The following LRP1B variants were observed in gnomAD, a reference collection of about 807,000 sequenced individuals.
The protein encoded by LRP1B is LDL receptor related protein 1B.
A neutral mutation model predicts 556.6 loss-of-function variants in LRP1B; 217 were observed. The observed-to-expected ratio is 0.39, with a 90% CI of 0.35 to 0.44. The LOEUF (loss-of-function observed/expected upper bound fraction) is 0.44, where lower values mean the gene tolerates loss of function less well. Among genes scored for constraint, LRP1B ranks in the 20% least tolerant of loss-of-function variants. The probability of loss-of-function intolerance (pLI) is 1.00; values close to 1 mark genes in which losing one functional copy is unlikely to be tolerated. For synonymous variants in LRP1B, 2,047 were observed against 1,865.8 expected (o/e 1.10, Z -2.50); for missense variants, 5,053 against 5,620.8 (o/e 0.90, Z 3.23).
chr2:141,128,896 T>C (rs1313857325), intron 7 of LRP1B, among the ~76,000 whole-genome samples: 1 of 152,198 alleles, frequency 6.6e-6, no homozygotes, highest in Non-Finnish European at 1.5e-5. Flanking sequence ...CCACATAAGT[T>C]ATATCATCCT....
At chr2:141,937,661 T>C (rs1015606066) in intron 1 of LRP1B, among the ~76,000 whole-genome samples, 4 of 150,394 alleles carry the variant, frequency 2.7e-5, no homozygotes, top group Admixed American at 1.3e-4. Flanking sequence ...ATGGTGCACC[T>C]AAATTAAAAA....
rs1208697233 is a variant in LRP1B at position 141,712,810 on chromosome 2, C to T, written c.205+97469G>A. Among the ~76,000 whole-genome samples the T allele has an allele frequency of 2.0e-5, 3 of 149,960 alleles. No homozygotes were observed. The East Asian group carries it at 5.9e-4, about 30-fold the overall frequency. ...TCAGCCTCCCTAGTAGCTAGAATTA[C>T]AGGTGCCTGCCACCATGCCCAGCTA... On this transcript the variant is annotated intron_variant, in intron 2 of 90. Coordinates refer to ENST00000389484, the MANE Select transcript of LRP1B (RefSeq NM_018557.3).
chr2:141,254,743 C>A (rs2105340969), intron 3 of LRP1B, 102 bp from the exon 4 acceptor site: 1 of 868,814 alleles, frequency 1.2e-6, no homozygotes, highest in Non-Finnish European at 1.7e-6. Context: ...GATTGTTCTC[C>A]CAGAAAGTTT....
intron 41 of LRP1B, among the ~76,000 whole-genome samples, chr2:140,605,451 A>G (rs548416772): frequency 7.2e-5 from 11 of 152,188 alleles, no homozygotes; most frequent in African/African-American, 2.2e-4. Context: ...ACAAAACACT[A>G]CTTACTGAAA....
chr2:141,190,519 T>C (rs974846043), intron 6 of LRP1B, among the ~76,000 whole-genome samples: 15 of 152,104 alleles, frequency 9.9e-5, no homozygotes, highest in African/African-American at 3.4e-4. Context: ...GTTATGGTTT[T>C]ATTGCCCTGT....
chr2:141,510,909 C>CA (rs70994436), intron 2 of LRP1B, among the ~76,000 whole-genome samples: 56,091 of 138,390 alleles, frequency 0.41, 10,749 homozygotes, highest in Admixed American at 0.45. Context: ...CACACACACA[C>CA]CCCACACAAA....
At chr2:140,312,875 C>T (rs1198636980) in intron 83 of LRP1B, among the ~76,000 whole-genome samples, 1 of 151,830 alleles carries the variant, frequency 6.6e-6, no homozygotes, top group Non-Finnish European at 1.5e-5. Flanking sequence ...TAATTAGTGA[C>T]ATTTCTTTTG....
chr2:140,999,278 C>T (rs1019352212), intron 15 of LRP1B, among the ~76,000 whole-genome samples: 1 of 152,006 alleles, frequency 6.6e-6, no homozygotes, highest in African/African-American at 2.4e-5. Flanking sequence ...CCAAATGCAA[C>T]TACAAATTCT....
chr2:142,003,204 T>C (rs1394344772), intron 1 of LRP1B, among the ~76,000 whole-genome samples: 4 of 152,258 alleles, frequency 2.6e-5, no homozygotes, highest in Non-Finnish European at 4.4e-5. Context: ...TACTGAACAC[T>C]TACCATATGC....
intron 3 of LRP1B, among the ~76,000 whole-genome samples, chr2:141,306,635 C>G (rs1686599693): frequency 1.3e-5 from 2 of 152,036 alleles, no homozygotes; most frequent in Admixed American, 6.5e-5. Context: ...TTCTGTTCTG[C>G]TCCAGTCTTT....
intron 7 of LRP1B, among the ~76,000 whole-genome samples, chr2:141,086,576 A>G (rs1186955124): frequency 1.3e-5 from 2 of 152,068 alleles, no homozygotes; most frequent in Non-Finnish European, 2.9e-5. Context: ...CATTTAACTG[A>G]ATTGAACTAA....
intron 2 of LRP1B, among the ~76,000 whole-genome samples, chr2:141,574,374 G>C (rs1015053961): frequency 6.6e-6 from 1 of 152,030 alleles, no homozygotes; most frequent in Non-Finnish European, 1.5e-5. Flanking sequence ...TGCAGAAAAG[G>C]CCTTTGATAA....
chr2:141,901,298 C>T lies in LRP1B; in HGVS notation c.83-90897G>A, dbSNP rs527814837. On this transcript the variant is annotated intron_variant, in intron 1 of 90. Coordinates refer to ENST00000389484, the MANE Select transcript of LRP1B (RefSeq NM_018557.3). ...AATGAGTAAGAATGGAGGAAACTAA[C>T]CGTTTGAAAACAGAGAAGGCTGTGT... Among the ~76,000 whole-genome samples the T allele has an allele frequency of 7.2e-5, 11 of 152,036 alleles. No homozygotes were observed. The East Asian group carries it at 2.1e-3, about 29-fold the overall frequency.
At chr2:140,888,665 C>T (rs1693709641) in intron 23 of LRP1B, among the ~76,000 whole-genome samples, 1 of 151,762 alleles carries the variant, frequency 6.6e-6, no homozygotes, top group East Asian at 1.9e-4. Context: ...GCAAAATTGA[C>T]TTAAAAAGAA....
At chr2:141,428,449 T>C (rs4455106) in intron 3 of LRP1B, among the ~76,000 whole-genome samples, 69,733 of 151,972 alleles carry the variant, frequency 0.46, 16,156 homozygotes, top group South Asian at 0.6. Context: ...TAAAAACTTA[T>C]TAATAGGGGC....
At chr2:142,018,243 A>T (rs1703216937) in intron 1 of LRP1B, among the ~76,000 whole-genome samples, 1 of 152,130 alleles carries the variant, frequency 6.6e-6, no homozygotes, top group South Asian at 2.1e-4. Context: ...GTTGCAGTTG[A>T]TATTTAAATC....
intron 23 of LRP1B, among the ~76,000 whole-genome samples, chr2:140,890,219 CAGGCTCTCAAAAG>C (rs1181123340): frequency 6.6e-6 from 1 of 151,920 alleles, no homozygotes; most frequent in Non-Finnish European, 1.5e-5. Context: ...ACAGATACAC[CAGGCTCTCAAAAG>C]GGGCTGTCTC....
chr2:142,105,042 A>C (rs1486110856), intron 1 of LRP1B, among the ~76,000 whole-genome samples: 1 of 152,166 alleles, frequency 6.6e-6, no homozygotes, highest in East Asian at 1.9e-4. Context: ...GACAACAATC[A>C]CAGCACTTGT....
At chr2:141,747,912 T>C (rs996848162) in intron 2 of LRP1B, among the ~76,000 whole-genome samples, 4 of 152,132 alleles carry the variant, frequency 2.6e-5, no homozygotes, top group African/African-American at 9.7e-5. Context: ...TTTTTATAGA[T>C]GAAGATAAGG....
Sources: gnomAD v4.1 joint callset for allele counts (sites outside exome capture counted in the v4.1 genomes callset) on GRCh38, gnomAD v4.1.1 for gene constraint, MANE v1.5 for transcripts, NCBI Gene and HGNC (gene_info 2026-07-23, HGNC 2026-07-21) for gene names.